Variants in NEDD9 observed in about 807,000 individuals in gnomAD.
The protein encoded by NEDD9 is enhancer of filamentation 1.
Under a neutral mutation model 76.6 loss-of-function variants are expected in NEDD9, and 26 were observed. The observed-to-expected ratio is 0.34, with a 90% confidence interval of 0.25 to 0.47. NEDD9 has a LOEUF of 0.47. NEDD9 is among the 20% of genes least tolerant of loss of function. The probability of loss-of-function intolerance (pLI) is 1.00; values close to 1 mark genes in which losing one functional copy is unlikely to be tolerated. For missense variants in NEDD9, 937 were observed against 1,058.5 expected, an observed-to-expected ratio of 0.89 and a Z score of 1.59; for synonymous variants, 392 against 414.2, an observed-to-expected ratio of 0.95 and a Z score of 0.65.
chr6:11,259,935 A>ACACACACACACACACACAC (rs139640152), intron 3 of NEDD9, among the ~76,000 whole-genome samples: 1 of 142,508 alleles, frequency 7.0e-6, no homozygotes. Flanking sequence ...CTGCGCCCTT[A>ACACACACACACACACACAC]ACACACACAC....
chr6:11,265,937 A>G (rs1293418966), intron 3 of NEDD9, among the ~76,000 whole-genome samples: 1 of 151,446 alleles, frequency 6.6e-6, no homozygotes, highest in Non-Finnish European at 1.5e-5. Context: ...AGACACAGAG[A>G]GTCAAATACC....
intron 2 of NEDD9, among the ~76,000 whole-genome samples, chr6:11,208,602 C>T (rs1298868403): frequency 3.9e-5 from 6 of 152,210 alleles, no homozygotes; most frequent in Non-Finnish European, 8.8e-5. Context: ...TGATGCTCTA[C>T]CAAGTGCTCA....
chr6:11,222,592 T>C (rs1050560349), intron 1 of NEDD9, among the ~76,000 whole-genome samples: 1 of 152,226 alleles, frequency 6.6e-6, no homozygotes, highest in African/African-American at 2.4e-5. Context: ...TACACCAGTT[T>C]ATGAGAATAA....
At chr6:11,216,656 C>A (rs1581962959) in intron 1 of NEDD9, among the ~76,000 whole-genome samples, 1 of 152,158 alleles carries the variant, frequency 6.6e-6, no homozygotes, top group East Asian at 1.9e-4. Flanking sequence ...GTCTTAGGTT[C>A]TAGCTGTGTT....
At chr6:11,335,498 G>A (rs1363702088) in intron 1 of NEDD9, among the ~76,000 whole-genome samples, 1 of 152,140 alleles carries the variant, frequency 6.6e-6, no homozygotes, top group Non-Finnish European at 1.5e-5. Flanking sequence ...AACAACACCC[G>A]ACTGCACGTC....
chr6:11,255,973 C>G (rs981736674), intron 3 of NEDD9, among the ~76,000 whole-genome samples: 1 of 151,970 alleles, frequency 6.6e-6, no homozygotes. Context: ...TTTTTTGCTA[C>G]GGAGGAATAC....
chr6:11,329,212 G>A (rs904451242), intron 2 of NEDD9, among the ~76,000 whole-genome samples: 7 of 152,190 alleles, frequency 4.6e-5, no homozygotes, highest in South Asian at 2.1e-4. Flanking sequence ...TATGACTTTG[G>A]TCCTGGGAAG....
intron 2 of NEDD9, among the ~76,000 whole-genome samples, chr6:11,313,850 T>C (rs1041757986): frequency 6.6e-6 from 1 of 152,220 alleles, no homozygotes; most frequent in Non-Finnish European, 1.5e-5. Context: ...ATTGTTTCAT[T>C]GTTAAAAAAT....
rs1410122349 is a variant in NEDD9, at chr6:11,370,538, T to G, written c.-214+11601A>C. Among the ~76,000 whole-genome samples, 2 of 152,142 alleles carry G rather than the reference T, an allele frequency of 1.3e-5. No homozygotes were observed. The highest frequency in any genetic ancestry group is 4.8e-5 in the African/African-American group (2 of 41,430). On this transcript the variant is annotated intron_variant, in intron 1 of 3. Transcript: ENST00000397378. The surrounding 1 kb of genome is among the most constrained non-coding windows in gnomAD (Gnocchi z 4.2). ...GCACAAGGCTCTCCTCAAGCCGCCT[T>G]TTCTTCCCCTCACAATCTCCTCATG...
chr6:11,234,380 A>G (rs569694774), upstream of NEDD9, among the ~76,000 whole-genome samples: 13 of 152,348 alleles, frequency 8.5e-5, no homozygotes, highest in African/African-American at 3.1e-4. Flanking sequence ...AGAGATCTAG[A>G]TAACATTCCT....
intron 1 of NEDD9, among the ~76,000 whole-genome samples, chr6:11,360,984 G>C (rs1024582150): frequency 6.6e-6 from 1 of 152,194 alleles, no homozygotes; most frequent in African/African-American, 2.4e-5. Context: ...CAGCTTGTTT[G>C]TGTGTATGAC....
chr6:11,211,723 C>T (rs372659233), intron 2 of NEDD9, among the ~76,000 whole-genome samples: 8 of 152,244 alleles, frequency 5.3e-5, no homozygotes, highest in African/African-American at 1.9e-4. Context: ...AGCTGTGCAC[C>T]ACCCTTGAGG....
At chr6:11,240,967 C>G (rs1486072598) in intron 3 of NEDD9, among the ~76,000 whole-genome samples, 2 of 152,226 alleles carry the variant, frequency 1.3e-5, no homozygotes, top group African/African-American at 4.8e-5. Context: ...CAAAGCCTCT[C>G]TCTCCTGTTT....
intron 1 of NEDD9, among the ~76,000 whole-genome samples, chr6:11,362,118 T>C (rs1762690031): frequency 6.6e-6 from 1 of 152,186 alleles, no homozygotes; most frequent in Non-Finnish European, 1.5e-5. Context: ...GATTACATCA[T>C]GAGGGTGAAT....
At chr6:11,338,125 T>C (rs1762201965) in intron 1 of NEDD9, among the ~76,000 whole-genome samples, 1 of 152,226 alleles carries the variant, frequency 6.6e-6, no homozygotes, top group East Asian at 1.9e-4. Context: ...TTGTTGCAGA[T>C]GTCATTGGTT....
At chr6:11,242,317 T>C (rs1379204527) in intron 3 of NEDD9, among the ~76,000 whole-genome samples, 1 of 152,220 alleles carries the variant, frequency 6.6e-6, no homozygotes, top group Admixed American at 6.5e-5. Flanking sequence ...GCTGAAGGCC[T>C]GGCACCCTGT....
chr6:11,188,785 A>C (rs1257272136), intron 5 of NEDD9, among the ~76,000 whole-genome samples: 4 of 152,100 alleles, frequency 2.6e-5, no homozygotes, highest in African/African-American at 9.7e-5. Context: ...TTCCTTCCTC[A>C]GCATCAGGTG....
chr6:11,239,635 A>G (rs1759669226), intron 3 of NEDD9, among the ~76,000 whole-genome samples: 1 of 152,178 alleles, frequency 6.6e-6, no homozygotes, highest in Non-Finnish European at 1.5e-5. Context: ...CCCTCCACTA[A>G]TATTTTGGCA....
chr6:11,311,255 G>A (rs1761356957), intron 2 of NEDD9, among the ~76,000 whole-genome samples: 1 of 152,176 alleles, frequency 6.6e-6, no homozygotes, highest in African/African-American at 2.4e-5. Context: ...CATTGCAGAT[G>A]TAATTAGTTA....
Sources: allele counts gnomAD v4.1 joint callset (sites outside exome capture counted in the v4.1 genomes callset), GRCh38; gene constraint gnomAD v4.1.1; non-coding constraint Gnocchi (gnomAD v3.1); transcripts MANE v1.5; gene names NCBI Gene and HGNC (gene_info 2026-07-23, HGNC 2026-07-21).